RBFOX3: variants seen among roughly 807,000 people sequenced by gnomAD.
The protein encoded by RBFOX3 is RNA binding fox-1 homolog 3.
RBFOX3 carries 17 observed loss-of-function variants against 48.7 expected under a neutral mutation model. That is an observed-to-expected ratio of 0.35 (90% CI 0.24 to 0.52). RBFOX3 has a LOEUF of 0.52. Ranked by LOEUF, RBFOX3 falls within the 20% of genes least tolerant of loss-of-function variation. The pLI is 0.94. For synonymous variants in RBFOX3, 212 were observed against 209.5 expected (o/e 1.01, Z -0.10); for missense variants, 382 against 497.5 (o/e 0.77, Z 2.21).
In RBFOX3 at chr17:79,149,586, C is replaced by T. The variant is rs574448798; in HGVS notation, c.-33-33838G>A. ...TGCCTGGGGGGGTCCGTGGACGATT[C>T]CTCCTTCGGGACTGCTTGACCACTG... On this transcript the variant is annotated intron_variant, in intron 4 of 14. Coordinates refer to ENST00000693108, the MANE Select transcript of RBFOX3 (RefSeq NM_001350451.2). Among the ~76,000 whole-genome samples the T allele has an allele frequency of 2.0e-5, 3 of 152,138 alleles. No homozygotes were observed. The South Asian group carries it at 6.2e-4, about 32-fold the overall frequency.
At chr17:79,187,328 C>T (rs73412084) in intron 4 of RBFOX3, among the ~76,000 whole-genome samples, 36,277 of 152,148 alleles carry the variant, frequency 0.24, 4,621 homozygotes, top group South Asian at 0.34. Flanking sequence ...GCGCCCAGGC[C>T]GACCATCCTC....
chr17:79,151,117 C>T lies in RBFOX3; in HGVS notation c.-33-35369G>A, dbSNP rs979283158. Among the ~76,000 whole-genome samples, 4 of 152,114 alleles carry T rather than the reference C, an allele frequency of 2.6e-5. No homozygotes were observed. The East Asian group carries it at 5.8e-4, about 22-fold the overall frequency. On this transcript the variant is annotated intron_variant, in intron 4 of 14. Coordinates refer to ENST00000693108, the MANE Select transcript of RBFOX3 (RefSeq NM_001350451.2). The stretch of plus-strand genomic sequence containing the variant: ...GAACCACAATAAATGCAGCTCTTGG[C>T]GCAGATTCTGGGTTTGATCCTCGCG...
chr17:79,348,325 G>A (rs1490404289), intron 2 of RBFOX3, among the ~76,000 whole-genome samples: 1 of 152,180 alleles, frequency 6.6e-6, no homozygotes, highest in African/African-American at 2.4e-5. Context: ...ATAGTGGCTG[G>A]AGCTGGGCTA....
intron 4 of RBFOX3, among the ~76,000 whole-genome samples, chr17:79,218,155 T>A (rs115444521): frequency 0.032 from 4,892 of 151,432 alleles, 100 homozygotes; most frequent in Admixed American, 0.048. Context: ...TGAGTGTGAG[T>A]TTGAGGAGTG....
intron 3 of RBFOX3, among the ~76,000 whole-genome samples, chr17:79,292,139 T>G (rs2073387832): frequency 6.6e-6 from 1 of 152,152 alleles, no homozygotes; most frequent in Non-Finnish European, 1.5e-5. Flanking sequence ...GTAATCATAT[T>G]GTGGTAATAG....
chr17:79,406,068 G>A (rs977267552), intron 2 of RBFOX3, among the ~76,000 whole-genome samples: 1 of 152,176 alleles, frequency 6.6e-6, no homozygotes, highest in East Asian at 1.9e-4. Flanking sequence ...ATGCCCCAGG[G>A]TTTATTTATC....
At chr17:79,092,066 A>T in intron 14 of RBFOX3, 1 of 985,394 alleles carries the variant, frequency 1.0e-6, no homozygotes, top group Non-Finnish European at 1.2e-6. Flanking sequence ...GGCCGGGGAG[A>T]CCCACACTGG....
intron 2 of RBFOX3, among the ~76,000 whole-genome samples, chr17:79,419,053 T>C (rs1477127813): frequency 6.6e-6 from 1 of 152,224 alleles, no homozygotes; most frequent in East Asian, 1.9e-4. Flanking sequence ...TCCTGAGTCC[T>C]CCTAATGCTG....
intron 6 of RBFOX3, among the ~76,000 whole-genome samples, chr17:79,106,180 A>G (rs1024271464): frequency 2.0e-5 from 3 of 151,998 alleles, no homozygotes; most frequent in Non-Finnish European, 2.9e-5. Flanking sequence ...GCCCCCGGGC[A>G]CACAAGAGAG....
At chr17:79,113,132 A>G (rs1459974057) in intron 5 of RBFOX3, among the ~76,000 whole-genome samples, 12 of 152,006 alleles carry the variant, frequency 7.9e-5, no homozygotes, top group Non-Finnish European at 1.6e-4. Context: ...GAGTGAGCTG[A>G]AAGGGCCCTG....
chr17:79,309,106 CAA>C (rs5822288), intron 2 of RBFOX3, among the ~76,000 whole-genome samples: 1 of 143,868 alleles, frequency 7.0e-6, no homozygotes, highest in African/African-American at 2.6e-5. Flanking sequence ...GACTCTGTCT[CAA>C]AAAAAAAAAA....
intron 2 of RBFOX3, among the ~76,000 whole-genome samples, chr17:79,465,773 GC>G (rs2076228399): frequency 6.6e-6 from 1 of 152,190 alleles, no homozygotes; most frequent in Non-Finnish European, 1.5e-5. Context: ...CCATGCTTCA[GC>G]CCCCGGTGGC....
chr17:79,201,110 A>G (rs980513387), intron 4 of RBFOX3, among the ~76,000 whole-genome samples: 55 of 152,022 alleles, frequency 3.6e-4, no homozygotes, highest in African/African-American at 1.3e-3. Context: ...CAACGACAAC[A>G]ACAACAACAA....
At chr17:79,522,656 G>A (rs1414843954) in intron 1 of RBFOX3, among the ~76,000 whole-genome samples, 2 of 152,048 alleles carry the variant, frequency 1.3e-5, no homozygotes, top group Admixed American at 6.6e-5. Flanking sequence ...AGGGCTGGGC[G>A]TGGTGGCTCA....
intron 9 of RBFOX3, 103 bp from the exon 10 acceptor site, chr17:79,097,848 C>T: frequency 7.7e-7 from 1 of 1,291,922 alleles, no homozygotes; most frequent in Non-Finnish European, 1.1e-6. Context: ...CCCTTGGGAA[C>T]ATTCCCAGGG....
chr17:79,283,977 A>G (rs1267789499), intron 3 of RBFOX3, among the ~76,000 whole-genome samples: 6 of 139,784 alleles, frequency 4.3e-5, no homozygotes, highest in Non-Finnish European at 7.8e-5. Flanking sequence ...CCATCGTAAC[A>G]TTTGCCTGTT....
chr17:79,097,180 C>A lies in RBFOX3; in HGVS notation c.755+112G>T, dbSNP rs188890273. On this transcript the variant is annotated intron_variant, in intron 11 of 14. Coordinates refer to ENST00000693108, the MANE Select transcript of RBFOX3 (RefSeq NM_001350451.2). ...CTGGGGCTCCCACGATCCTCCCCCC[C>A]CCCAGGTCTGGAAAGGCTGCCTAGC... 4.7e-4 allele frequency: 430 copies of A among 911,106 alleles called. 1 individual carries two copies. The East Asian group carries it at 5.2e-3, about 11-fold the overall frequency. The allele number at this position is 911,106 out of a possible 1,614,324, so 56.4% of individuals were successfully genotyped here.
intron 2 of RBFOX3, among the ~76,000 whole-genome samples, chr17:79,441,267 C>A (rs1188554736): frequency 6.6e-6 from 1 of 152,244 alleles, no homozygotes; most frequent in Non-Finnish European, 1.5e-5. Context: ...TGCCTCCTTC[C>A]TCCCGGAGCC....
At chr17:79,159,108 T>C (rs1226479854) in intron 4 of RBFOX3, among the ~76,000 whole-genome samples, 1 of 152,078 alleles carries the variant, frequency 6.6e-6, no homozygotes, top group Non-Finnish European at 1.5e-5. Flanking sequence ...CAAGAGGGCA[T>C]CTCTGTGGCA....
Sources: gnomAD v4.1 joint callset for allele counts (sites outside exome capture counted in the v4.1 genomes callset) on GRCh38, gnomAD v4.1.1 for gene constraint, MANE v1.5 for transcripts, NCBI Gene and HGNC (gene_info 2026-07-23, HGNC 2026-07-21) for gene names.